RAB11FIP1: variants seen among roughly 807,000 people sequenced by gnomAD.
RAB11FIP1 encodes the protein RAB11 family interacting protein 1.
Under a neutral mutation model 83.1 loss-of-function variants are expected in RAB11FIP1, and 49 were observed. The observed-to-expected ratio is 0.59, with a 90% CI of 0.47 to 0.75. The LOEUF is 0.75. Among genes scored for constraint, RAB11FIP1 ranks in the 30% least tolerant of loss-of-function variants. The pLI, the probability that RAB11FIP1 is intolerant of heterozygous loss-of-function variation, is 0.00. For synonymous variants in RAB11FIP1, 670 were observed against 656.0 expected (o/e 1.02, Z -0.33); for missense variants, 1,536 against 1,598.7 (o/e 0.96, Z 0.67).
intron 1 of RAB11FIP1, among the ~76,000 whole-genome samples, chr8:37,897,038 C>A (rs1807103008): frequency 6.6e-6 from 1 of 152,118 alleles, no homozygotes; most frequent in Non-Finnish European, 1.5e-5. Context: ...GGAAGCCAAC[C>A]CACCACCCCC....
intron 1 of RAB11FIP1, among the ~76,000 whole-genome samples, chr8:37,886,509 T>G (rs1806838094): frequency 6.6e-6 from 1 of 152,240 alleles, no homozygotes; most frequent in Non-Finnish European, 1.5e-5. Flanking sequence ...ACTTTACATG[T>G]GTCAGTGTTA....
intron 1 of RAB11FIP1, among the ~76,000 whole-genome samples, chr8:37,879,783 T>G (rs2130167702): frequency 6.6e-6 from 1 of 152,208 alleles, no homozygotes; most frequent in East Asian, 1.9e-4. Flanking sequence ...CTCTAGAGGC[T>G]GAGGCAGGAG....
chr8:37,888,953 G>A (rs1159631814), intron 1 of RAB11FIP1, among the ~76,000 whole-genome samples: 1 of 151,714 alleles, frequency 6.6e-6, no homozygotes, highest in African/African-American at 2.4e-5. Flanking sequence ...ACCCGCCACC[G>A]CGCCCAGCTA....
At chr8:37,889,448 T>C (rs1484429309) in intron 1 of RAB11FIP1, among the ~76,000 whole-genome samples, 2 of 152,248 alleles carry the variant, frequency 1.3e-5, no homozygotes, top group Non-Finnish European at 2.9e-5. Context: ...GTTAATATTC[T>C]ACCATCAAAT....
Position 37,871,486 on chromosome 8 carries a change from C to T in RAB11FIP1, c.3316G>A (p.Val1106Ile). ...PSPSPSEIFP[V>I]THSFPSSAHS... ...GCAGAGCTGGGGAAAGAGTGTGTGA[C>T]AGGAAAGATCTCAGAAGGGGAGGGG... The change falls in exon 4 of 6, where the codon GTC becomes ATC. Residue 1106 changes from valine (V) to isoleucine (I), a missense_variant. Transcript: ENST00000330843. The T allele has an allele frequency of 6.2e-7, 1 of 1,612,776 alleles. No homozygotes were observed. The highest frequency in any genetic ancestry group is 2.2e-5 in the East Asian group (1 of 44,842).
chr8:37,866,060 G>T (rs1806335591), intron 5 of RAB11FIP1, among the ~76,000 whole-genome samples: 1 of 152,174 alleles, frequency 6.6e-6, no homozygotes, highest in Non-Finnish European at 1.5e-5. Flanking sequence ...ACAGGGCCAG[G>T]CATGGTGGCT....
intron 1 of RAB11FIP1, among the ~76,000 whole-genome samples, chr8:37,895,198 T>A (rs1807039386): frequency 9.7e-6 from 1 of 102,974 alleles, no homozygotes; most frequent in East Asian, 3.2e-4. Flanking sequence ...CCGGAATAGC[T>A]GGGACTACAG....
intron 1 of RAB11FIP1, among the ~76,000 whole-genome samples, chr8:37,880,840 T>A (rs1351858104): frequency 6.6e-6 from 1 of 151,558 alleles, no homozygotes; most frequent in East Asian, 1.9e-4. Flanking sequence ...TCCAAATACC[T>A]GGTCTATAGT....
At chr8:37,865,562 C>T (rs1806326337) in intron 5 of RAB11FIP1, among the ~76,000 whole-genome samples, 1 of 152,148 alleles carries the variant, frequency 6.6e-6, no homozygotes, top group Non-Finnish European at 1.5e-5. Context: ...TCAAGTGATC[C>T]ACCTGCCTCA....
At chr8:37,896,380 G>A (rs561074257) in intron 1 of RAB11FIP1, among the ~76,000 whole-genome samples, 1 of 152,128 alleles carries the variant, frequency 6.6e-6, no homozygotes, top group Admixed American at 6.6e-5. Flanking sequence ...GGGCACCAGG[G>A]CATCAGACAG....
At chr8:37,897,559 G>A (rs1386878972) in intron 1 of RAB11FIP1, among the ~76,000 whole-genome samples, 1 of 150,674 alleles carries the variant, frequency 6.6e-6, no homozygotes, top group Non-Finnish European at 1.5e-5. Flanking sequence ...CAAATAATTC[G>A]GTAATATCAT....
intron 4 of RAB11FIP1, 128 bp from the exon 5 acceptor site, chr8:37,870,656 G>C: frequency 1.0e-5 from 6 of 574,344 alleles, no homozygotes; most frequent in Non-Finnish European, 1.9e-5. Flanking sequence ...CCTCATCTCT[G>C]GGCCAAAGCA....
intron 5 of RAB11FIP1, among the ~76,000 whole-genome samples, chr8:37,866,866 G>A (rs969135294): frequency 2.0e-5 from 3 of 152,126 alleles, no homozygotes; most frequent in Non-Finnish European, 4.4e-5. Context: ...TCCAGGAAAC[G>A]TCCCGTATTT....
chr8:37,895,043 C>T (rs563034451), intron 1 of RAB11FIP1, among the ~76,000 whole-genome samples: 3 of 146,282 alleles, frequency 2.1e-5, no homozygotes, highest in African/African-American at 7.5e-5. Flanking sequence ...CAGGCATGAG[C>T]CACTACGCCC....
rs557684926 is a variant in RAB11FIP1 at position 37,870,977 on chromosome 8, C to A, written c.3524+301G>T. On this transcript the variant is annotated intron_variant, in intron 4 of 5. Coordinates refer to ENST00000330843, the MANE Select transcript of RAB11FIP1 (RefSeq NM_001002814.3). ...TGCTAGATACTACTACCACTCAATG[C>A]CAGTTAGTTCTGAGACAGTTAAGAT... 1.3e-3 allele frequency: 471 copies of A among 374,176 alleles called. 2 individuals are homozygous for A. The highest frequency in any genetic ancestry group is 9.1e-3 in the African/African-American group (435 of 47,794). The allele number at this position is 374,176 out of a possible 1,614,324, so 23.2% of individuals were successfully genotyped here. A position where few individuals can be genotyped will look rare whatever the true frequency, so the allele number is the denominator to read the frequency against.
At chr8:37,877,086 A>G in intron 2 of RAB11FIP1, 23 bp downstream of exon 2, 1 of 1,563,994 alleles carries the variant, frequency 6.4e-7, no homozygotes, top group Non-Finnish European at 8.8e-7. Flanking sequence ...AGAGAGGTCA[A>G]GCAGGAAGAG....
rs1468886283 is a variant in RAB11FIP1 at position 37,872,061 on chromosome 8, T to C, written c.2741A>G (p.Glu914Gly). The C allele has an allele frequency of 3.1e-6, 5 of 1,613,990 alleles. No homozygotes were observed. Among genetic ancestry groups the C allele is most frequent in the Non-Finnish European group, 4.2e-6 (5 of 1,180,028 alleles). ...SAKDTPLFRMEGEDALVTQYQ... is the reference protein window; with the variant it reads ...SAKDTPLFRMGGEDALVTQYQ... ...CTGAGTCACAAGGGCATCCTCTCCC[T>C]CCATCCTAAAGAGTGGAGTGTCTTT... Residue 914 changes from glutamate (E) to glycine (G), a missense_variant, in exon 4 of 6, where the codon GAG (glutamate) becomes GGG (glycine). By Grantham distance (98) the Glu-to-Gly change is moderately conservative. Coordinates refer to ENST00000330843, the MANE Select transcript of RAB11FIP1 (RefSeq NM_001002814.3).
Position 37,872,329 on chromosome 8 carries a change from C to T in RAB11FIP1, c.2473G>A (p.Ala825Thr), listed in dbSNP as rs1382278498. 6.2e-7 allele frequency: 1 copy of T among 1,614,096 alleles called. No individual in the cohort carries two copies. The highest frequency in any genetic ancestry group is 2.2e-5 in the East Asian group (1 of 44,882). ...LFTEEAVAGA[A>T]LLVEGHSSCP... ...CTGCTGTGTCCTTCCACCAGCAAGG[C>T]AGCCCCCGCCACTGCCTCTTCCGTG... Residue 825 changes from alanine to threonine, a missense_variant, in exon 4 of 6, where the codon GCC (alanine) becomes ACC (threonine). Coordinates refer to ENST00000330843, the MANE Select transcript of RAB11FIP1 (RefSeq NM_001002814.3).
At chr8:37,885,814 A>T in intron 1 of RAB11FIP1, among the ~76,000 whole-genome samples, 1 of 152,116 alleles carries the variant, frequency 6.6e-6, no homozygotes, top group East Asian at 1.9e-4. Flanking sequence ...AAGACCATTC[A>T]ACCATGCCCT....
Sources: allele counts gnomAD v4.1 joint callset (sites outside exome capture counted in the v4.1 genomes callset), GRCh38; gene constraint gnomAD v4.1.1; transcripts MANE v1.5; gene names NCBI Gene and HGNC (gene_info 2026-07-23, HGNC 2026-07-21).